NOL8: variants seen among roughly 807,000 people sequenced by gnomAD.
NOL8 encodes the protein nucleolar protein 8.
Under a neutral mutation model 116.1 loss-of-function variants are expected in NOL8, and 93 were observed. The observed-to-expected ratio is 0.80, with a 90% CI of 0.68 to 0.95. The LOEUF is 0.95. NOL8 is among the 40% of genes least tolerant of loss of function. NOL8 has a pLI of 0.00. For missense variants in NOL8, 1,291 were observed against 1,382.8 expected (o/e 0.93, Z 1.05); for synonymous variants, 419 against 469.0 (o/e 0.89, Z 1.38).
chr9:92,324,218 A>G lies in NOL8; in HGVS notation c.-48-9T>C. 2 of 1,549,620 alleles carry G rather than the reference A, an allele frequency of 1.3e-6. No individual in the cohort carries two copies. The highest frequency in any genetic ancestry group is 8.8e-7 in the Non-Finnish European group (1 of 1,142,750). ...GTGGGAAAAGTAATTTTCTGTATAC[A>G]GAGAAGAGTTCTTTCCCTTAGTTCT... On this transcript the variant is annotated splice_polypyrimidine_tract_variant and intron_variant, in intron 1 of 16. Transcript: ENST00000442668.
intron 4 of NOL8, chr9:92,320,003 G>A (rs1273903058): frequency 8.9e-6 from 4 of 450,698 alleles, no homozygotes; most frequent in East Asian, 6.9e-5. Flanking sequence ...ACCATGGATC[G>A]CAAGTTCTCT....
chr9:92,315,761 C>T lies in NOL8; in HGVS notation c.864G>A (p.Leu288=), dbSNP rs1176247558. The part of the protein sequence containing the change: ...LKNLPFKTSG[L]ETAKKRNSIS... ...TGCTGTTTCTCTTCTTGGCAGTTTC[C>T]AAGCCAGAAGTCTTAAAAGGTAGAT... The change falls in exon 7 of 17, where the codon TTG becomes TTA. Residue 288 remains leucine (L), a synonymous_variant. Coordinates refer to ENST00000442668, the MANE Select transcript of NOL8 (RefSeq NM_017948.6). The T allele has an allele frequency of 5.6e-6, 9 of 1,613,496 alleles. No homozygotes were observed. Among genetic ancestry groups the T allele is most frequent in the Non-Finnish European group, 7.6e-6 (9 of 1,179,684 alleles).
chr9:92,319,387 G>T (rs1372254777), intron 4 of NOL8, 31 bp from the exon 5 acceptor site: 1 of 1,507,814 alleles, frequency 6.6e-7, no homozygotes, highest in Non-Finnish European at 8.8e-7. Context: ...AAATAAAAGA[G>T]TCAAAATAAT....
chr9:92,299,743 C>T (rs1255861125), intron 14 of NOL8, 147 bp downstream of exon 14: 1 of 783,324 alleles, frequency 1.3e-6, no homozygotes, highest in African/African-American at 1.8e-5. Flanking sequence ...CAGAGCAACA[C>T]TCCGTCTCAA....
At position 92,323,508 on chromosome 9, in the gene NOL8, AAAAC is replaced by A. The variant is rs56332087; in HGVS notation, c.140-9_140-6del. On this transcript the variant is annotated splice_region_variant and splice_polypyrimidine_tract_variant and intron_variant, in intron 2 of 16. Coordinates refer to ENST00000442668, the MANE Select transcript of NOL8 (RefSeq NM_017948.6). The stretch of plus-strand genomic sequence containing the variant: ...CAAAAACTTTCTGTGGGTTTCCTAA[AAAAC>A]AAACAAACAAACAAACAAAACAATT... 2.3e-4 allele frequency: 368 copies of A among 1,592,350 alleles called. No individual in the cohort carries two copies. Among genetic ancestry groups the A allele is most frequent in the African/African-American group, 1.0e-3 (76 of 74,796 alleles).
chr9:92,303,259 T>C (rs772544841), intron 12 of NOL8, among the ~76,000 whole-genome samples: 11 of 152,070 alleles, frequency 7.2e-5, no homozygotes, highest in Non-Finnish European at 1.3e-4. Flanking sequence ...CAGAAAAACA[T>C]GGTCTAAAGA....
At chr9:92,300,192 A>G (rs1007833628) in intron 13 of NOL8, 176 bp from the exon 14 acceptor site, 1 of 1,265,530 alleles carries the variant, frequency 7.9e-7, no homozygotes, top group African/African-American at 1.5e-5. Context: ...GATTTTTCAA[A>G]TATTTTCAGA....
chr9:92,305,723 C>A (rs764346776), intron 12 of NOL8, 30 bp downstream of exon 12: 2 of 1,403,866 alleles, frequency 1.4e-6, no homozygotes, highest in Non-Finnish European at 2.0e-6. Flanking sequence ...TTTACATGAT[C>A]CTATTGCTAA....
chr9:92,298,178 T>G (rs542946047), intron 16 of NOL8, 79 bp downstream of exon 16: 12 of 1,091,018 alleles, frequency 1.1e-5, no homozygotes, highest in Non-Finnish European at 1.6e-5. Flanking sequence ...ATACCATTCA[T>G]GAGTTCCCTT....
chr9:92,310,786 A>G, intron 8 of NOL8, 111 bp from the exon 9 acceptor site: 1 of 1,154,822 alleles, frequency 8.7e-7, no homozygotes, highest in Non-Finnish European at 1.2e-6. Flanking sequence ...CTCATCTACC[A>G]GGAATGAGTA....
At chr9:92,307,081 A>G in intron 10 of NOL8, 57 bp from the exon 11 acceptor site, 1 of 1,529,174 alleles carries the variant, frequency 6.5e-7, no homozygotes, top group Non-Finnish European at 8.9e-7. Context: ...GAGAAGTCTC[A>G]ATCATCAAAT....
Position 92,310,505 on chromosome 9 carries a change from A to C in NOL8, c.2595+48T>G, listed in dbSNP as rs544999006. On this transcript the variant is annotated intron_variant, in intron 9 of 16. Coordinates refer to ENST00000442668, the MANE Select transcript of NOL8 (RefSeq NM_017948.6). Reference sequence around the variant, plus strand: ...TTACCCAGATTTAAGGACTATGTCAAAAAATAAGGACATGCTGCAAGTCTA... The same window carrying C: ...TTACCCAGATTTAAGGACTATGTCACAAAATAAGGACATGCTGCAAGTCTA... 3.2e-6 allele frequency: 5 copies of C among 1,556,916 alleles called. No individual in the cohort carries two copies. The African/African-American group carries it at 6.9e-5, about 21-fold the overall frequency.
intron 9 of NOL8, 93 bp from the exon 10 acceptor site, chr9:92,310,354 A>T: frequency 8.1e-7 from 1 of 1,230,914 alleles, no homozygotes; most frequent in Non-Finnish European, 1.2e-6. Flanking sequence ...CCACACACTG[A>T]AATTCACTAC....
In NOL8 at chr9:92,315,642, T is replaced by C; in HGVS notation, c.983A>G (p.Glu328Gly). ...LQRTTQPSIN[E>G]SESDPFEVVR... Reference sequence around the variant, plus strand: ...AACTTCAAAAGGATCACTTTCAGATTCATTTATTGAGGGTTGTGTAGTTCT... The same window carrying C: ...AACTTCAAAAGGATCACTTTCAGATCCATTTATTGAGGGTTGTGTAGTTCT... Residue 328 changes from glutamate (E) to glycine (G), a missense_variant, in exon 7 of 17, where the codon GAA becomes GGA. Glu to Gly is a moderately conservative substitution (Grantham distance 98). Transcript: ENST00000442668. The C allele has an allele frequency of 1.2e-6, 2 of 1,613,272 alleles. No homozygotes were observed. The highest frequency in any genetic ancestry group is 1.7e-6 in the Non-Finnish European group (2 of 1,179,588).
At chr9:92,310,705 C>G in intron 8 of NOL8, 30 bp from the exon 9 acceptor site, 1 of 1,577,610 alleles carries the variant, frequency 6.3e-7, no homozygotes, top group Non-Finnish European at 8.6e-7. Flanking sequence ...TTATTAATAG[C>G]AGAGGCAAAC....
chr9:92,309,328 T>C (rs554890444), intron 10 of NOL8, among the ~76,000 whole-genome samples: 1 of 152,294 alleles, frequency 6.6e-6, no homozygotes, highest in African/African-American at 2.4e-5. Context: ...GAGTACAAAC[T>C]TGAAAACTGG....
At chr9:92,300,137 T>C (rs1837610264) in intron 13 of NOL8, 121 bp from the exon 14 acceptor site, 1 of 1,404,728 alleles carries the variant, frequency 7.1e-7, no homozygotes, top group Non-Finnish European at 9.3e-7. Context: ...ATGTTAATCA[T>C]TAATTTAAAA....
intron 10 of NOL8, among the ~76,000 whole-genome samples, chr9:92,308,064 GCTTA>G (rs1042063912): frequency 1.3e-5 from 2 of 152,136 alleles, no homozygotes; most frequent in Non-Finnish European, 2.9e-5. Context: ...TGGCTGTGCT[GCTTA>G]CTTGAGACAA....
At chr9:92,307,540 T>C (rs1476905810) in intron 10 of NOL8, among the ~76,000 whole-genome samples, 1 of 152,218 alleles carries the variant, frequency 6.6e-6, no homozygotes, top group Non-Finnish European at 1.5e-5. Flanking sequence ...TAAGGCATCA[T>C]GGACTTTTAC....
Sources: allele counts gnomAD v4.1 joint callset (sites outside exome capture counted in the v4.1 genomes callset), GRCh38; gene constraint gnomAD v4.1.1; transcripts MANE v1.5; gene names NCBI Gene and HGNC (gene_info 2026-07-23, HGNC 2026-07-21).